The following TUSC3 variants were observed in gnomAD, a reference collection of about 807,000 sequenced individuals.
The protein encoded by TUSC3 is tumor suppressor candidate 3.
Under a neutral mutation model 44.8 loss-of-function variants are expected in TUSC3, and 45 were observed. The ratio of observed to expected loss-of-function variants is 1.00; its 90% CI spans 0.79 to 1.29. The LOEUF (loss-of-function observed/expected upper bound fraction) is 1.29. Among genes scored for constraint, TUSC3 ranks in the 50% most tolerant of loss-of-function variants. The pLI is 0.00. For synonymous variants in TUSC3, 212 were observed against 152.9 expected (o/e 1.39, Z -2.85); for missense variants, 519 against 437.9 (o/e 1.19, Z -1.65).
chr8:15,462,383 C>G (rs1191723887), intron 1 of TUSC3, among the ~76,000 whole-genome samples: 1 of 151,960 alleles, frequency 6.6e-6, no homozygotes, highest in Non-Finnish European at 1.5e-5. Context: ...AGAATATATA[C>G]AAATGGCCAA....
At chr8:15,661,891 T>C (rs1471869308) in intron 4 of TUSC3, among the ~76,000 whole-genome samples, 1 of 151,966 alleles carries the variant, frequency 6.6e-6, no homozygotes, top group East Asian at 1.9e-4. Flanking sequence ...CATTTCTTCA[T>C]GGAAAATATA....
At chr8:15,844,098 C>A in the TUSC3 span, among the ~76,000 whole-genome samples, 4 of 152,004 alleles carry the variant, frequency 2.6e-5, no homozygotes, top group Non-Finnish European at 5.9e-5. Flanking sequence ...TGGTCCTGTC[C>A]CCTTGTTTCA....
chr8:15,787,087 C>A, the TUSC3 span, among the ~76,000 whole-genome samples: 6 of 152,048 alleles, frequency 3.9e-5, no homozygotes, highest in African/African-American at 1.4e-4. Flanking sequence ...CCCACCCTAC[C>A]ACACTGCTTC....
chr8:15,476,522 C>A (rs1800577060), intron 1 of TUSC3, among the ~76,000 whole-genome samples: 1 of 152,254 alleles, frequency 6.6e-6, no homozygotes, highest in Admixed American at 6.5e-5. Context: ...ACGTGATTTA[C>A]AAAGGAATTT....
chr8:15,713,312 G>A (rs561030222), intron 6 of TUSC3, among the ~76,000 whole-genome samples: 1 of 152,054 alleles, frequency 6.6e-6, no homozygotes, highest in African/African-American at 2.4e-5. Flanking sequence ...TAATACATGT[G>A]TTTAATTTAC....
the TUSC3 span, among the ~76,000 whole-genome samples, chr8:15,808,320 A>G: frequency 6.6e-6 from 1 of 152,174 alleles, no homozygotes; most frequent in Admixed American, 6.5e-5. Flanking sequence ...TAAACATAAA[A>G]AGAATATAAT....
chr8:15,766,835 T>C (rs1461497674), downstream of TUSC3, among the ~76,000 whole-genome samples: 1 of 152,094 alleles, frequency 6.6e-6, no homozygotes, highest in Non-Finnish European at 1.5e-5. Flanking sequence ...GTGGTTATTC[T>C]AAATAAGGCA....
At chr8:15,739,668 G>A (rs1377202910) in intron 7 of TUSC3, among the ~76,000 whole-genome samples, 1 of 152,142 alleles carries the variant, frequency 6.6e-6, no homozygotes, top group African/African-American at 2.4e-5. Flanking sequence ...TCTGGAATAT[G>A]TTTATGGAGT....
At chr8:15,658,696 A>G (rs942438462) in intron 3 of TUSC3, among the ~76,000 whole-genome samples, 4 of 151,660 alleles carry the variant, frequency 2.6e-5, no homozygotes, top group Admixed American at 6.6e-5. Flanking sequence ...ATATATACAC[A>G]TACAATATAT....
intron 1 of TUSC3, among the ~76,000 whole-genome samples, chr8:15,457,758 G>T (rs951975640): frequency 2.1e-5 from 3 of 146,058 alleles, no homozygotes; most frequent in Non-Finnish European, 3.0e-5. Flanking sequence ...AAATAAAATA[G>T]ATAAATTAGA....
At chr8:15,811,568 A>C in the TUSC3 span, among the ~76,000 whole-genome samples, 1 of 152,304 alleles carries the variant, frequency 6.6e-6, no homozygotes, top group South Asian at 2.1e-4. Context: ...TCCAACCAGA[A>C]CTGGGGGTTT....
At chr8:15,775,783 G>A in the TUSC3 span, among the ~76,000 whole-genome samples, 16 of 137,026 alleles carry the variant, frequency 1.2e-4, no homozygotes, top group East Asian at 8.4e-4. Flanking sequence ...TATATCTTCC[G>A]TAATAAAAAG....
At chr8:15,619,977 C>T (rs1805171150) in intron 1 of TUSC3, among the ~76,000 whole-genome samples, 1 of 152,002 alleles carries the variant, frequency 6.6e-6, no homozygotes, top group South Asian at 2.1e-4. Context: ...CATGAGAATC[C>T]CTTGAACCCT....
intron 1 of TUSC3, among the ~76,000 whole-genome samples, chr8:15,468,429 G>C (rs1495079): frequency 0.99 from 151,201 of 152,284 alleles, 75,069 homozygotes; most frequent in East Asian, 1. Flanking sequence ...ATAGCCATGA[G>C]CCTCTCCCTA....
intron 8 of TUSC3, among the ~76,000 whole-genome samples, chr8:15,744,659 C>T (rs574783052): frequency 1.3e-5 from 2 of 152,020 alleles, no homozygotes; most frequent in South Asian, 4.2e-4. Context: ...AGACTGCCCT[C>T]TTTTCCTATG....
chr8:15,731,998 C>T (rs1368929175), intron 7 of TUSC3, among the ~76,000 whole-genome samples: 1 of 152,068 alleles, frequency 6.6e-6, no homozygotes, highest in Non-Finnish European at 1.5e-5. Context: ...AAGACTTCCT[C>T]GTTTGTAAAA....
At chr8:15,844,213 G>C in the TUSC3 span, among the ~76,000 whole-genome samples, 44 of 152,082 alleles carry the variant, frequency 2.9e-4, no homozygotes, top group African/African-American at 1.1e-3. Context: ...GTTTTTCTGT[G>C]ATTGTTTGGT....
At chr8:15,423,876 CG>C (rs1322519734) in intron 1 of TUSC3, among the ~76,000 whole-genome samples, 4 of 148,308 alleles carry the variant, frequency 2.7e-5, no homozygotes, top group African/African-American at 9.9e-5. Context: ...TGAGAGAAGG[CG>C]GGATTACCCC....
chr8:15,796,658 C>T, the TUSC3 span, among the ~76,000 whole-genome samples: 5 of 152,232 alleles, frequency 3.3e-5, no homozygotes, highest in Non-Finnish European at 2.9e-5. Context: ...GAAGGCTCCA[C>T]TGAGGTAGCA....
Sources: allele counts gnomAD v4.1 joint callset (sites outside exome capture counted in the v4.1 genomes callset), GRCh38; gene constraint gnomAD v4.1.1; transcripts MANE v1.5; gene names NCBI Gene and HGNC (gene_info 2026-07-23, HGNC 2026-07-21).